PCYT1B: variants seen among roughly 807,000 people sequenced by gnomAD.
PCYT1B encodes the protein phosphate cytidylyltransferase 1B, choline, also known as choline-phosphate cytidylyltransferase B.
PCYT1B carries 10 observed loss-of-function variants against 26.4 expected under a neutral mutation model. That is an observed-to-expected ratio of 0.38 (90% CI 0.23 to 0.64). The LOEUF is 0.64. Among genes scored for constraint, PCYT1B ranks in the 30% least tolerant of loss-of-function variants. PCYT1B has a pLI of 0.56. For missense variants in PCYT1B, 161 were observed against 292.7 expected, an observed-to-expected ratio of 0.55 and a Z score of 3.28; for synonymous variants, 131 against 108.4, an observed-to-expected ratio of 1.21 and a Z score of -1.29.
intron 5 of PCYT1B, among the ~76,000 whole-genome samples, chrX:24,584,154 G>T (rs1282585349): frequency 9.1e-6 from 1 of 110,278 alleles, no homozygotes; most frequent in East Asian, 2.9e-4. Context: ...GGGCAACATA[G>T]GGAAACTCTA....
rs192019482 is a variant in PCYT1B at position 24,586,742 on chromosome X, T to A, written c.565+499A>T. Among the ~76,000 whole-genome samples the A allele has an allele frequency of 1.9e-3, 213 of 111,903 alleles. 1 individual carries two copies. The highest frequency in any genetic ancestry group is 0.016 in the Admixed American group (172 of 10,549). Reference sequence around the variant, plus strand: ...AAGCCATTAAAACATTTACCCATTTTTTTTTGCCTCCACATATGGTACCTG... The same window carrying A: ...AAGCCATTAAAACATTTACCCATTTATTTTTGCCTCCACATATGGTACCTG... On this transcript the variant is annotated intron_variant, in intron 5 of 7. Transcript: ENST00000379144.
chrX:24,669,494 C>T (rs1475099284), intron 1 of PCYT1B, among the ~76,000 whole-genome samples: 3 of 53,073 alleles, frequency 5.7e-5, no homozygotes, highest in African/African-American at 2.6e-4. Flanking sequence ...AGTGAGACTT[C>T]GTCTCAGAAA....
At chrX:24,601,446 T>C (rs1284195983) in intron 3 of PCYT1B, among the ~76,000 whole-genome samples, 2 of 104,902 alleles carry the variant, frequency 1.9e-5, no homozygotes, top group African/African-American at 7.1e-5. Flanking sequence ...TAAGCCAAGA[T>C]CGTGCCACTG....
chrX:24,647,884 G>C (rs766896578), upstream of PCYT1B, among the ~76,000 whole-genome samples: 2 of 112,029 alleles, frequency 1.8e-5, no homozygotes, highest in African/African-American at 6.5e-5. Flanking sequence ...TGCCCTAGGG[G>C]GAACTTTGAA....
chrX:24,579,730 TC>T (rs2148227570), intron 5 of PCYT1B, among the ~76,000 whole-genome samples: 1 of 111,565 alleles, frequency 9.0e-6, no homozygotes, highest in South Asian at 3.8e-4. Context: ...GCCTTTCCTT[TC>T]TGCCCTGGAT....
intron 2 of PCYT1B, among the ~76,000 whole-genome samples, chrX:24,610,738 G>A (rs1355970818): frequency 9.0e-6 from 1 of 111,531 alleles, no homozygotes; most frequent in Non-Finnish European, 1.9e-5. Context: ...AAATTGTGGT[G>A]TGTCAGCAAT....
At chrX:24,648,449 A>ATTTTTTTTTTTTTTTTTTT (rs57744798), upstream of PCYT1B, among the ~76,000 whole-genome samples, 3 of 39,717 alleles carry the variant, frequency 7.6e-5, 1 homozygote, top group African/African-American at 4.2e-4. Flanking sequence ...ATTTGAAGGA[A>ATTTTTTTTTTTTTTTTTTT]TTTTTTTTTT....
chrX:24,567,918 C>T (rs1923687357), intron 7 of PCYT1B, among the ~76,000 whole-genome samples: 1 of 111,516 alleles, frequency 9.0e-6, no homozygotes, highest in African/African-American at 3.3e-5. Flanking sequence ...CATTGCACTC[C>T]AGCCTGGGCA....
intron 4 of PCYT1B, among the ~76,000 whole-genome samples, chrX:24,589,175 T>C (rs1924471475): frequency 8.9e-6 from 1 of 112,225 alleles, no homozygotes; most frequent in South Asian, 3.7e-4. Flanking sequence ...AATCATATTG[T>C]AGTTTTTCCT....
chrX:24,624,740 G>A lies in PCYT1B; in HGVS notation c.118-5656C>T, dbSNP rs766819512. ...CCAAAATTCACAGCTTCTGTGAGGG[G>A]GTCCTCTTTATAGAGCTGTCTGTGT... On this transcript the variant is annotated intron_variant, in intron 1 of 7. Coordinates refer to ENST00000379144, the MANE Select transcript of PCYT1B (RefSeq NM_004845.5). Among the ~76,000 whole-genome samples the A allele has an allele frequency of 8.0e-5, 9 of 111,938 alleles. No homozygotes were observed. The Admixed American group carries it at 8.5e-4, about 11-fold the overall frequency.
intron 7 of PCYT1B, among the ~76,000 whole-genome samples, chrX:24,564,226 G>A (rs1426722400): frequency 1.8e-5 from 2 of 110,149 alleles, no homozygotes; most frequent in African/African-American, 6.6e-5. Context: ...AGCCTGGCCC[G>A]GCCCGGGATG....
chrX:24,581,339 G>T (rs749786079), intron 5 of PCYT1B, among the ~76,000 whole-genome samples: 3 of 111,513 alleles, frequency 2.7e-5, no homozygotes, highest in African/African-American at 9.8e-5. Context: ...CTATACAACT[G>T]CAGGGGGGGA....
chrX:24,620,381 T>A (rs184642243), intron 1 of PCYT1B, among the ~76,000 whole-genome samples: 2 of 111,428 alleles, frequency 1.8e-5, no homozygotes, highest in East Asian at 5.7e-4. Context: ...AGAAGCTCAA[T>A]GTTGTCTGGA....
At chrX:24,611,796 A>G (rs1252945179) in intron 2 of PCYT1B, among the ~76,000 whole-genome samples, 3 of 109,546 alleles carry the variant, frequency 2.7e-5, no homozygotes, top group Non-Finnish European at 5.7e-5. Context: ...ACATGCTGAA[A>G]CTCCGTATCT....
upstream of PCYT1B, among the ~76,000 whole-genome samples, chrX:24,651,975 C>T (rs1453258733): frequency 9.0e-6 from 1 of 110,930 alleles, no homozygotes; most frequent in Non-Finnish European, 1.9e-5. Flanking sequence ...AAGCTGAAAC[C>T]GAGGAACAAA....
At chrX:24,656,600 A>G (rs778646764) in intron 1 of PCYT1B, among the ~76,000 whole-genome samples, 37 of 74,889 alleles carry the variant, frequency 4.9e-4, no homozygotes, top group South Asian at 1.8e-3. Context: ...TCTGTTTCCC[A>G]GGCTGGAGTG....
At chrX:24,567,485 G>A (rs1174570460) in intron 7 of PCYT1B, among the ~76,000 whole-genome samples, 1 of 111,919 alleles carries the variant, frequency 8.9e-6, no homozygotes, top group Non-Finnish European at 1.9e-5. Context: ...AACAAATAAG[G>A]AAGAGTATGC....
intron 1 of PCYT1B, among the ~76,000 whole-genome samples, chrX:24,670,113 AAAGGAAGGAAGG>A (rs749240285): frequency 1.1e-3 from 26 of 23,592 alleles, no homozygotes; most frequent in African/African-American, 4.0e-3. Context: ...AGAAAGAAAG[AAAGGAAGGAAGG>A]AAGGAAGGAA....
chrX:24,654,832 CAGA>C (rs1488809381), intron 1 of PCYT1B, among the ~76,000 whole-genome samples: 1 of 103,852 alleles, frequency 9.6e-6, no homozygotes, highest in Non-Finnish European at 2.0e-5. Context: ...GTAAAGATGA[CAGA>C]AGAATTTCAG....
Sources: gnomAD v4.1 joint callset for allele counts (sites outside exome capture counted in the v4.1 genomes callset) on GRCh38, gnomAD v4.1.1 for gene constraint, MANE v1.5 for transcripts, NCBI Gene and HGNC (gene_info 2026-07-23, HGNC 2026-07-21) for gene names.